Variants in EPHA6 observed in about 807,000 individuals in gnomAD.
EPHA6 encodes the protein ephrin type-A receptor 6.
A neutral mutation model predicts 112.0 loss-of-function variants in EPHA6; 50 were observed. The ratio of observed to expected loss-of-function variants is 0.45; its 90% CI spans 0.36 to 0.56. The LOEUF (loss-of-function observed/expected upper bound fraction) is 0.56. EPHA6 is among the 20% of genes least tolerant of loss of function. The pLI, the probability that EPHA6 is intolerant of heterozygous loss-of-function variation, is 0.00. For missense variants in EPHA6, 1,280 were observed against 1,417.4 expected, an observed-to-expected ratio of 0.90 and a Z score of 1.56; for synonymous variants, 529 against 490.7, an observed-to-expected ratio of 1.08 and a Z score of -1.03.
chr3:97,538,991 CTT>C (rs1037399460), intron 11 of EPHA6, among the ~76,000 whole-genome samples: 2 of 141,922 alleles, frequency 1.4e-5, no homozygotes, highest in Non-Finnish European at 3.0e-5. Flanking sequence ...CTCTTTCTTT[CTT>C]TCTTTCTTTC....
intron 11 of EPHA6, among the ~76,000 whole-genome samples, chr3:97,589,035 T>C (rs2093517924): frequency 6.6e-6 from 1 of 152,174 alleles, no homozygotes; most frequent in Non-Finnish European, 1.5e-5. Context: ...AGAGTTTAAG[T>C]CAAGCTTGTC....
intron 11 of EPHA6, among the ~76,000 whole-genome samples, chr3:97,534,135 C>A (rs1249638718): frequency 1.3e-5 from 2 of 152,148 alleles, no homozygotes; most frequent in African/African-American, 4.8e-5. Flanking sequence ...CATCTGTATC[C>A]TTTACTTCCA....
chr3:97,725,702 C>A (rs972343604), intron 15 of EPHA6, among the ~76,000 whole-genome samples: 14 of 152,060 alleles, frequency 9.2e-5, no homozygotes, highest in African/African-American at 3.4e-4. Flanking sequence ...ATGTTACATG[C>A]TTTGCAGCAC....
At chr3:97,042,122 T>C (rs2045338070) in intron 3 of EPHA6, among the ~76,000 whole-genome samples, 1 of 152,098 alleles carries the variant, frequency 6.6e-6, no homozygotes, top group Non-Finnish European at 1.5e-5. Flanking sequence ...CCAAATCTTA[T>C]GTTGAATTGT....
intron 1 of EPHA6, among the ~76,000 whole-genome samples, chr3:96,821,722 A>G (rs1324348135): frequency 6.6e-6 from 1 of 151,884 alleles, no homozygotes; most frequent in Non-Finnish European, 1.5e-5. Context: ...GTGTATACCA[A>G]TTAACCCCAA....
chr3:97,221,471 C>A lies in EPHA6; in HGVS notation c.1115-4793C>A, dbSNP rs74283806. ...GACATATGTTGGACAACATTCTTAT[C>A]TCCACTCGCTTGTTTCTTGAAAGCA... On this transcript the variant is annotated intron_variant, in intron 3 of 17. Transcript: ENST00000389672. 1.2e-3 allele frequency among the ~76,000 whole-genome samples: 183 copies of A among 152,114 alleles called. 4 individuals are homozygous for A. The East Asian group carries it at 0.03, about 25-fold the overall frequency.
intron 2 of EPHA6, among the ~76,000 whole-genome samples, chr3:96,966,191 A>G (rs1429989033): frequency 2.0e-5 from 3 of 152,136 alleles, no homozygotes; most frequent in African/African-American, 7.2e-5. Context: ...ATTAGAATTG[A>G]ATTGAATTTA....
At chr3:97,495,238 G>A (rs2091945358) in intron 10 of EPHA6, among the ~76,000 whole-genome samples, 1 of 150,304 alleles carries the variant, frequency 6.7e-6, no homozygotes, top group African/African-American at 2.4e-5. Context: ...ATTTTTATAG[G>A]TCTACACTAT....
At position 97,277,029 on chromosome 3, in the gene EPHA6, C is replaced by T. The variant is rs181484787; in HGVS notation, c.1606+32742C>T. Reference sequence around the variant, plus strand: ...AGAATTGGGACCTAGCTCGGCCTGGCAAGGAGCAGCCTGGGGAGGAGGGGA... The same window carrying T: ...AGAATTGGGACCTAGCTCGGCCTGGTAAGGAGCAGCCTGGGGAGGAGGGGA... On this transcript the variant is annotated intron_variant, in intron 5 of 17. Transcript: ENST00000389672. 6.8e-3 allele frequency among the ~76,000 whole-genome samples: 1,040 copies of T among 151,932 alleles called. 17 individuals are homozygous for T. The highest frequency in any genetic ancestry group is 0.024 in the African/African-American group (996 of 41,434).
At chr3:97,577,945 G>A (rs373959437) in intron 11 of EPHA6, among the ~76,000 whole-genome samples, 2 of 152,232 alleles carry the variant, frequency 1.3e-5, no homozygotes, top group South Asian at 2.1e-4. Flanking sequence ...AATCCAGGCA[G>A]ATGAGTGGCA....
At chr3:97,247,665 C>T (rs62265118) in intron 5 of EPHA6, among the ~76,000 whole-genome samples, 7,539 of 151,852 alleles carry the variant, frequency 0.05, 276 homozygotes, top group South Asian at 0.12. Flanking sequence ...CATAGAAGTA[C>T]AGCAGGATTT....
chr3:97,277,423 G>T (rs576116995), intron 5 of EPHA6, among the ~76,000 whole-genome samples: 35 of 152,256 alleles, frequency 2.3e-4, no homozygotes, highest in Admixed American at 9.2e-4. Context: ...ATCAGTTAAG[G>T]CAGGAACAGG....
intron 3 of EPHA6, among the ~76,000 whole-genome samples, chr3:97,187,487 T>C (rs2077171478): frequency 6.6e-6 from 1 of 151,378 alleles, no homozygotes; most frequent in Admixed American, 6.6e-5. Context: ...GGAGAATTGC[T>C]TGAGCCCAGG....
At chr3:97,114,485 T>A (rs1179196471) in intron 3 of EPHA6, among the ~76,000 whole-genome samples, 1 of 152,016 alleles carries the variant, frequency 6.6e-6, no homozygotes, top group African/African-American at 2.4e-5. Context: ...GAACACCTGG[T>A]TATATAATCG....
chr3:97,384,901 A>T (rs2109034104), intron 5 of EPHA6, among the ~76,000 whole-genome samples: 1 of 152,308 alleles, frequency 6.6e-6, no homozygotes, highest in African/African-American at 2.4e-5. Context: ...CTGAGTTATG[A>T]GCAGTGATAT....
intron 3 of EPHA6, among the ~76,000 whole-genome samples, chr3:97,170,872 C>G (rs1246228866): frequency 6.6e-6 from 1 of 152,120 alleles, no homozygotes; most frequent in Non-Finnish European, 1.5e-5. Flanking sequence ...TACAGGTGTT[C>G]CTCAAGTTAA....
In EPHA6 at chr3:97,224,615, G is replaced by A. The variant is rs183974096; in HGVS notation, c.1115-1649G>A. On this transcript the variant is annotated intron_variant, in intron 3 of 17. Transcript: ENST00000389672. ...TAATTCTTCTTTATGTGTCTTATAG[G>A]TTCTATATATGTACATGTAAAAATA... is the stretch of plus-strand genomic sequence containing the variant. Among the ~76,000 whole-genome samples the A allele has an allele frequency of 2.6e-3, 400 of 152,050 alleles. 3 individuals are homozygous for A. Among genetic ancestry groups the A allele is most frequent in the African/African-American group, 8.7e-3 (359 of 41,500 alleles).
At chr3:96,951,485 A>T (rs1284361013) in intron 2 of EPHA6, among the ~76,000 whole-genome samples, 2 of 152,150 alleles carry the variant, frequency 1.3e-5, no homozygotes, top group African/African-American at 4.8e-5. Flanking sequence ...GATGCTGATG[A>T]TATATTTTCT....
At chr3:97,242,065 G>A (rs1456839489) in intron 4 of EPHA6, among the ~76,000 whole-genome samples, 3 of 151,664 alleles carry the variant, frequency 2.0e-5, no homozygotes, top group South Asian at 2.1e-4. Context: ...GAAGGTAGAC[G>A]TTTCTGTAAA....
Sources: gnomAD v4.1 joint callset for allele counts (sites outside exome capture counted in the v4.1 genomes callset) on GRCh38, gnomAD v4.1.1 for gene constraint, MANE v1.5 for transcripts, NCBI Gene and HGNC (gene_info 2026-07-23, HGNC 2026-07-21) for gene names.